The following CNTN4 variants were observed in gnomAD, a reference collection of about 807,000 sequenced individuals.
CNTN4 encodes the protein contactin 4.
In CNTN4, 77 loss-of-function variants were observed where a neutral mutation model predicts 122.5. The ratio of observed to expected loss-of-function variants is 0.63; its 90% confidence interval spans 0.52 to 0.76. The LOEUF is 0.76. Ranked by LOEUF, CNTN4 falls within the 30% of genes least tolerant of loss-of-function variation. The pLI, the probability that CNTN4 is intolerant of heterozygous loss-of-function variation, is 0.00. For synonymous variants in CNTN4, 512 were observed against 447.0 expected (o/e 1.15, Z -1.83); for missense variants, 1,256 against 1,259.1 (o/e 1.00, Z 0.04).
intron 4 of CNTN4, among the ~76,000 whole-genome samples, chr3:2,726,837 A>G (rs1156605998): frequency 6.6e-6 from 1 of 152,160 alleles, no homozygotes; most frequent in Non-Finnish European, 1.5e-5. Context: ...TTTAGTTAAT[A>G]TGCATGCATT....
chr3:2,772,875 AG>A (rs2091163210), intron 6 of CNTN4, among the ~76,000 whole-genome samples: 1 of 152,214 alleles, frequency 6.6e-6, no homozygotes, highest in South Asian at 2.1e-4. Context: ...TGAAGTTGAA[AG>A]AGCCCTCAAA....
chr3:2,849,462 C>G (rs2093510490), intron 7 of CNTN4, among the ~76,000 whole-genome samples: 1 of 152,088 alleles, frequency 6.6e-6, no homozygotes, highest in South Asian at 2.1e-4. Context: ...AAGGGGAAAA[C>G]CTTAGGCATT....
chr3:2,450,115 C>G (rs1311147945), intron 3 of CNTN4, among the ~76,000 whole-genome samples: 1 of 152,028 alleles, frequency 6.6e-6, no homozygotes, highest in Non-Finnish European at 1.5e-5. Context: ...ACCTATAATC[C>G]CAGCACTTTG....
chr3:2,484,959 C>T (rs563292583), intron 3 of CNTN4, among the ~76,000 whole-genome samples: 12 of 152,286 alleles, frequency 7.9e-5, no homozygotes, highest in East Asian at 5.8e-4. Context: ...CACCGGCCAG[C>T]GCGAGTTCCA....
chr3:2,962,373 A>T (rs969028418), intron 13 of CNTN4, among the ~76,000 whole-genome samples: 3 of 152,234 alleles, frequency 2.0e-5, no homozygotes, highest in African/African-American at 7.2e-5. Flanking sequence ...GGTTCACCAA[A>T]GTCATTTCTT....
chr3:2,589,149 C>T (rs1020825009), intron 4 of CNTN4, among the ~76,000 whole-genome samples: 1 of 152,108 alleles, frequency 6.6e-6, no homozygotes, highest in African/African-American at 2.4e-5. Context: ...CCTAGAACAG[C>T]GATGGCCTGG....
At chr3:2,382,236 C>T (rs1317733804) in intron 3 of CNTN4, among the ~76,000 whole-genome samples, 2 of 149,570 alleles carry the variant, frequency 1.3e-5, no homozygotes, top group African/African-American at 2.5e-5. Context: ...GTGGCGCGAT[C>T]TCAGCTCACT....
chr3:2,430,255 C>G (rs947889038), intron 3 of CNTN4, among the ~76,000 whole-genome samples: 1 of 151,716 alleles, frequency 6.6e-6, no homozygotes, highest in African/African-American at 2.4e-5. Context: ...AACCCCATCA[C>G]CCTAAAAATA....
chr3:2,581,847 C>T (rs569588551), intron 4 of CNTN4, among the ~76,000 whole-genome samples: 1 of 152,302 alleles, frequency 6.6e-6, no homozygotes, highest in South Asian at 2.1e-4. Flanking sequence ...GATACTACAA[C>T]ATGGACAAAC....
At chr3:2,396,805 A>G (rs559814607) in intron 3 of CNTN4, among the ~76,000 whole-genome samples, 190 of 152,274 alleles carry the variant, frequency 1.2e-3, no homozygotes, top group Middle Eastern at 3.4e-3. Context: ...CTGATATGGC[A>G]TCAGCTCCTC....
At chr3:2,674,267 G>T (rs969490493) in intron 4 of CNTN4, among the ~76,000 whole-genome samples, 3 of 150,454 alleles carry the variant, frequency 2.0e-5, no homozygotes, top group African/African-American at 4.9e-5. Context: ...TCCTCATCAC[G>T]TTTTTTTTTA....
At chr3:2,103,507 G>A (rs2032167989) in intron 2 of CNTN4, among the ~76,000 whole-genome samples, 1 of 152,052 alleles carries the variant, frequency 6.6e-6, no homozygotes, top group Non-Finnish European at 1.5e-5. Flanking sequence ...ATTCTATTGT[G>A]GGAGTCTTGC....
At position 2,098,896 on chromosome 3, in the gene CNTN4, A is replaced by G. The variant is rs1281401123; in HGVS notation, c.-309A>G. ...ACGCCAGGATTGGCTGCAAGTAGGG[A>G]GCTTTCGCCGCCGCCCCGGGCCCCT... is the stretch of plus-strand genomic sequence containing the variant. On this transcript the variant is annotated 5_prime_UTR_variant, in exon 1 of 25. Coordinates refer to ENST00000418658, the MANE Select transcript of CNTN4 (RefSeq NM_175607.3). The G allele has an allele frequency of 1.3e-5, 2 of 152,084 alleles. No individual in the cohort carries two copies. Among genetic ancestry groups the G allele is most frequent in the African/African-American group, 4.8e-5 (2 of 41,426 alleles). 9.4% of individuals were successfully genotyped at this position (152,084 alleles called of 1,614,324 possible).
intron 3 of CNTN4, among the ~76,000 whole-genome samples, chr3:2,340,739 A>AGAGAGAGAGAGAGAGAGAGT (rs2044179618): frequency 8.0e-6 from 1 of 124,468 alleles, no homozygotes; most frequent in Non-Finnish European, 1.8e-5. Flanking sequence ...AGAGAGAGAG[A>AGAGAGAGAGAGAGAGAGAGT]GTCAGAAATT....
intron 3 of CNTN4, among the ~76,000 whole-genome samples, chr3:2,529,259 C>T (rs1015989230): frequency 2.0e-5 from 3 of 152,110 alleles, no homozygotes; most frequent in Non-Finnish European, 4.4e-5. Flanking sequence ...CTGGAGTCAT[C>T]CATGTTGCCC....
At chr3:2,933,391 T>C (rs2151440864) in intron 13 of CNTN4, among the ~76,000 whole-genome samples, 1 of 152,252 alleles carries the variant, frequency 6.6e-6, no homozygotes, top group South Asian at 2.1e-4. Flanking sequence ...GAATTTCATT[T>C]GTGACGCAGG....
intron 13 of CNTN4, among the ~76,000 whole-genome samples, chr3:2,947,645 A>T (rs2094693496): frequency 6.6e-6 from 1 of 152,014 alleles, no homozygotes; most frequent in African/African-American, 2.4e-5. Flanking sequence ...TTTTGTCTTC[A>T]TTTGCTCTGT....
At chr3:2,289,727 A>G (rs2042065081) in intron 2 of CNTN4, among the ~76,000 whole-genome samples, 2 of 152,174 alleles carry the variant, frequency 1.3e-5, no homozygotes, top group Non-Finnish European at 2.9e-5. Context: ...TGAAGAATGA[A>G]CTATAAAACA....
chr3:2,362,399 G>A (rs953540047), intron 3 of CNTN4: 11 of 342,038 alleles, frequency 3.2e-5, no homozygotes, highest in Non-Finnish European at 5.1e-5. Context: ...GCAATTCCTG[G>A]GGGTGTAGCC....
Sources: allele counts gnomAD v4.1 joint callset (sites outside exome capture counted in the v4.1 genomes callset), GRCh38; gene constraint gnomAD v4.1.1; transcripts MANE v1.5; gene names NCBI Gene and HGNC (gene_info 2026-07-23, HGNC 2026-07-21).